SEC24B: variants seen among roughly 807,000 people sequenced by gnomAD.
SEC24B encodes the protein SEC24 homolog B, COPII component, also known as protein transport protein Sec24B.
In SEC24B, 45 loss-of-function variants were observed where a neutral mutation model predicts 142.8. That is an observed-to-expected ratio of 0.32 (90% confidence interval 0.25 to 0.40). The LOEUF (loss-of-function observed/expected upper bound fraction) is 0.40. SEC24B is among the 10% of genes least tolerant of loss of function. The pLI is 1.00. For synonymous variants in SEC24B, 574 were observed against 568.2 expected (o/e 1.01, Z -0.15); for missense variants, 1,409 against 1,526.8 (o/e 0.92, Z 1.29).
At chr4:109,458,083 T>C (rs1295000073) in intron 1 of SEC24B, among the ~76,000 whole-genome samples, 2 of 152,154 alleles carry the variant, frequency 1.3e-5, no homozygotes, top group African/African-American at 4.8e-5. Context: ...ATTTTGTTCA[T>C]TTTTCTTCAG....
intron 1 of SEC24B, among the ~76,000 whole-genome samples, chr4:109,460,248 A>G (rs1027888084): frequency 2.0e-5 from 3 of 152,190 alleles, no homozygotes; most frequent in African/African-American, 4.8e-5. Flanking sequence ...ATTGAAAACA[A>G]TTAGAAAATG....
At chr4:109,504,028 C>A (rs1736440480) in intron 6 of SEC24B, among the ~76,000 whole-genome samples, 3 of 151,964 alleles carry the variant, frequency 2.0e-5, no homozygotes, top group Admixed American at 6.6e-5. Flanking sequence ...TTTTTTACAG[C>A]TCTACAGAAA....
At chr4:109,471,462 T>C (rs190571154) in intron 2 of SEC24B, among the ~76,000 whole-genome samples, 52 of 152,340 alleles carry the variant, frequency 3.4e-4, no homozygotes, top group African/African-American at 1.1e-3. Flanking sequence ...TAGACAATTA[T>C]ATCTTTCTCA....
At chr4:109,483,034 T>TTA (rs200824031) in intron 4 of SEC24B, among the ~76,000 whole-genome samples, 2 of 108,764 alleles carry the variant, frequency 1.8e-5, no homozygotes, top group African/African-American at 7.9e-5. Flanking sequence ...ATATATGTAT[T>TTA]TATATATATG....
intron 2 of SEC24B, among the ~76,000 whole-genome samples, chr4:109,471,372 T>A (rs1270118263): frequency 6.6e-6 from 1 of 152,178 alleles, no homozygotes; most frequent in African/African-American, 2.4e-5. Context: ...CTCAAACTCC[T>A]GGGCTCAAGC....
chr4:109,473,025 C>T lies in SEC24B; in HGVS notation c.899C>T (p.Pro300Leu). 1 of 1,575,922 alleles carries T rather than the reference C, an allele frequency of 6.3e-7. No individual in the cohort carries two copies. The highest frequency in any genetic ancestry group is 8.6e-7 in the Non-Finnish European group (1 of 1,162,828). The change falls in exon 3 of 24, where the codon CCT becomes CTT. Residue 300 changes from proline to leucine, a missense_variant. This residue lies in a region of SEC24B where 709 missense variants were observed against 673.5 expected (regional missense o/e 1.05). Transcript: ENST00000265175. ...TITVADSLSC[P>L]VMQNVQPPKS... ...TCAGTTGCAGATTCTTTATCCTGTCCTGTTATGCAAAATGTTCAGCCTCCC... is the reference window on the plus strand; with the variant it reads ...TCAGTTGCAGATTCTTTATCCTGTCTTGTTATGCAAAATGTTCAGCCTCCC...
chr4:109,439,080 T>C, intron 1 of SEC24B, among the ~76,000 whole-genome samples: 1 of 152,228 alleles, frequency 6.6e-6, no homozygotes, highest in East Asian at 1.9e-4. Context: ...GTGTTCATTT[T>C]CAAATGAAAG....
chr4:109,466,665 C>T (rs995016118), intron 2 of SEC24B, among the ~76,000 whole-genome samples: 13 of 152,196 alleles, frequency 8.5e-5, no homozygotes, highest in Non-Finnish European at 1.3e-4. Context: ...CCGCCTTGGC[C>T]TCCCAAAGTG....
intron 1 of SEC24B, among the ~76,000 whole-genome samples, chr4:109,438,776 C>T (rs1728652063): frequency 6.6e-6 from 1 of 152,212 alleles, no homozygotes; most frequent in Non-Finnish European, 1.5e-5. Context: ...GATTTCAAGT[C>T]TGTGAAATCT....
At chr4:109,461,268 A>G (rs1464581468) in intron 1 of SEC24B, among the ~76,000 whole-genome samples, 1 of 152,222 alleles carries the variant, frequency 6.6e-6, no homozygotes, top group Non-Finnish European at 1.5e-5. Context: ...GGCAATATGA[A>G]GCATTATTGA....
Position 109,521,150 on chromosome 4 carries a change from T to C in SEC24B, c.2279T>C (p.Val760Ala). The change falls in exon 13 of 24, where the codon GTG becomes GCG. Residue 760 changes from valine to alanine, a missense_variant. By Grantham distance (64) the Val-to-Ala change is moderately conservative. Around this residue, in one of 2 missense-constraint regions of SEC24B, gnomAD observed 700 missense variants for 853.3 expected, o/e 0.82. Transcript: ENST00000265175. ...VFLPTPDSLLVNLYESKELIK... is the reference protein window; with the variant it reads ...VFLPTPDSLLANLYESKELIK... Reference sequence around the variant, plus strand: ...CTACCTACACCGGATAGTTTACTTGTGAATCTATATGAAAGTAAAGAGGTA... The same window carrying C: ...CTACCTACACCGGATAGTTTACTTGCGAATCTATATGAAAGTAAAGAGGTA... 6.6e-7 allele frequency: 1 copy of C among 1,520,536 alleles called. No individual in the cohort carries two copies. The highest frequency in any genetic ancestry group is 9.1e-7 in the Non-Finnish European group (1 of 1,099,778). 94.2% of individuals were successfully genotyped at this position (1,520,536 alleles called of 1,614,324 possible).
At chr4:109,481,110 C>T (rs75194831) in intron 3 of SEC24B, among the ~76,000 whole-genome samples, 1 of 152,036 alleles carries the variant, frequency 6.6e-6, no homozygotes, top group Non-Finnish European at 1.5e-5. Context: ...GTCCCCCAGC[C>T]CCCCGTCCCC....
intron 5 of SEC24B, among the ~76,000 whole-genome samples, chr4:109,494,335 A>G (rs150050798): frequency 8.5e-4 from 130 of 152,238 alleles, no homozygotes; most frequent in African/African-American, 3.1e-3. Context: ...TGGTGAAGTG[A>G]TGTAAAATAT....
intron 7 of SEC24B, 93 bp from the exon 8 acceptor site, chr4:109,509,916 C>CT: frequency 2.9e-6 from 2 of 699,916 alleles, no homozygotes; most frequent in South Asian, 4.9e-5. Context: ...ATGATTTTCA[C>CT]TTATGTCCTT....
At chr4:109,480,285 TA>T (rs555945002) in intron 3 of SEC24B, among the ~76,000 whole-genome samples, 1 of 152,010 alleles carries the variant, frequency 6.6e-6, no homozygotes, top group African/African-American at 2.4e-5. Context: ...GAAAAAAAAA[TA>T]AAGAGAGCAT....
chr4:109,496,028 A>T lies in SEC24B; in HGVS notation c.1488+1172A>T, dbSNP rs928552198. The stretch of plus-strand genomic sequence containing the variant: ...CATAAACTTAGCAGTTTAACAACTG[A>T]TATGATATTTATACAGTTAAATACT... On this transcript the variant is annotated intron_variant, in intron 6 of 23. Coordinates refer to ENST00000265175, the MANE Select transcript of SEC24B (RefSeq NM_006323.5). Among the ~76,000 whole-genome samples the T allele has an allele frequency of 3.3e-5, 5 of 152,180 alleles. 1 individual carries two copies. Among genetic ancestry groups the T allele is most frequent in the Admixed American group, 3.3e-4 (5 of 15,270 alleles).
At position 109,507,636 on chromosome 4, in the gene SEC24B, C is replaced by A. The variant is rs1578931536; in HGVS notation, c.1673+1124C>A. On this transcript the variant is annotated intron_variant, in intron 7 of 23. Coordinates refer to ENST00000265175, the MANE Select transcript of SEC24B (RefSeq NM_006323.5). Reference sequence around the variant, plus strand: ...TCTTTAGAGCCAATATTTCCTCTTTCTTTTTTTCTTTCTTTTTTTTATTTT... The same window carrying A: ...TCTTTAGAGCCAATATTTCCTCTTTATTTTTTTCTTTCTTTTTTTTATTTT... Among the ~76,000 whole-genome samples, 4 of 152,000 alleles carry A rather than the reference C, an allele frequency of 2.6e-5. No individual in the cohort carries two copies. The South Asian group carries it at 8.3e-4, about 32-fold the overall frequency.
intron 23 of SEC24B, among the ~76,000 whole-genome samples, chr4:109,539,038 T>C (rs1337261910): frequency 1.3e-5 from 2 of 152,128 alleles, no homozygotes; most frequent in East Asian, 1.9e-4. Flanking sequence ...CTCAGCCCAC[T>C]GCAACCTCTG....
At chr4:109,500,592 A>G (rs1194019370) in intron 6 of SEC24B, among the ~76,000 whole-genome samples, 2 of 151,852 alleles carry the variant, frequency 1.3e-5, no homozygotes, top group South Asian at 4.2e-4. Context: ...ATTTGCACCA[A>G]CCTATTAAAA....
Sources: allele counts gnomAD v4.1 joint callset (sites outside exome capture counted in the v4.1 genomes callset), GRCh38; gene constraint gnomAD v4.1.1; regional missense constraint gnomAD v4.1.1; transcripts MANE v1.5; gene names NCBI Gene and HGNC (gene_info 2026-07-23, HGNC 2026-07-21).